Variants in ANKRD12 observed in about 807,000 individuals in gnomAD.
The protein encoded by ANKRD12 is ankyrin repeat domain 12, also known as ankyrin repeat domain-containing protein 12.
A neutral mutation model predicts 183.4 loss-of-function variants in ANKRD12; 85 were observed. The ratio of observed to expected loss-of-function variants is 0.46; its 90% confidence interval spans 0.39 to 0.56. The LOEUF (loss-of-function observed/expected upper bound fraction) is 0.56, where lower values mean the gene tolerates loss of function less well. Ranked by LOEUF, ANKRD12 falls within the 20% of genes least tolerant of loss-of-function variation. ANKRD12 has a pLI of 0.00. For synonymous variants in ANKRD12, 914 were observed against 800.2 expected, an observed-to-expected ratio of 1.14 and a Z score of -2.40; for missense variants, 2,405 against 2,357.1, an observed-to-expected ratio of 1.02 and a Z score of -0.42.
At chr18:9,270,004 A>G (rs1167777673) in intron 10 of ANKRD12, among the ~76,000 whole-genome samples, 2 of 152,258 alleles carry the variant, frequency 1.3e-5, no homozygotes, top group East Asian at 3.8e-4. Flanking sequence ...CAACAGACAC[A>G]TGAAAAAATG....
chr18:9,192,468 A>G (rs554880432), intron 2 of ANKRD12, among the ~76,000 whole-genome samples: 3 of 152,300 alleles, frequency 2.0e-5, no homozygotes, highest in Non-Finnish European at 2.9e-5. Context: ...ATTTAAGTTC[A>G]TAAGTGGATT....
At chr18:9,204,429 C>A (rs779819143) in intron 3 of ANKRD12, 47 bp from the exon 4 acceptor site, 33 of 1,345,312 alleles carry the variant, frequency 2.5e-5, no homozygotes, top group Non-Finnish European at 3.5e-5. Context: ...TTCTGCATTT[C>A]CCTCCGTGTG....
chr18:9,280,384 G>T (rs1452076515), intron 12 of ANKRD12, among the ~76,000 whole-genome samples: 1 of 152,190 alleles, frequency 6.6e-6, no homozygotes. Context: ...ACAGGCCATG[G>T]ATCGGTACCA....
At chr18:9,269,678 C>G (rs1045233683) in intron 10 of ANKRD12, among the ~76,000 whole-genome samples, 2 of 152,170 alleles carry the variant, frequency 1.3e-5, no homozygotes, top group African/African-American at 2.4e-5. Flanking sequence ...TAGAAGAAAA[C>G]CTAGGCAATA....
chr18:9,205,304 A>G (rs1036391909), intron 4 of ANKRD12, among the ~76,000 whole-genome samples: 1 of 132,854 alleles, frequency 7.5e-6, no homozygotes, highest in Non-Finnish European at 1.7e-5. Flanking sequence ...GTTATCTCTG[A>G]GCTTAAATAA....
At position 9,263,917 on chromosome 18, in the gene ANKRD12, C is replaced by A. The variant is rs780715392; in HGVS notation, c.5763+29C>A. On this transcript the variant is annotated intron_variant, in intron 10 of 12. Coordinates refer to ENST00000262126, the MANE Select transcript of ANKRD12 (RefSeq NM_015208.5). ...AGAAATGTTTAAATTTACACTTATG[C>A]TAAAAATAACTGGTTTCTAGCAATA... 1.1e-5 allele frequency: 14 copies of A among 1,326,390 alleles called. No homozygotes were observed. In the East Asian group the frequency reaches 2.5e-4, roughly 24 times the overall value. 82.2% of individuals were successfully genotyped at this position (1,326,390 alleles called of 1,614,324 possible).
intron 2 of ANKRD12, among the ~76,000 whole-genome samples, chr18:9,187,516 C>T (rs2034169018): frequency 6.6e-6 from 1 of 152,068 alleles, no homozygotes; most frequent in South Asian, 2.1e-4. Flanking sequence ...ATAAAATAAC[C>T]TAAACCAAAA....
chr18:9,211,021 T>C (rs929015555), intron 5 of ANKRD12, among the ~76,000 whole-genome samples: 5 of 151,964 alleles, frequency 3.3e-5, no homozygotes, highest in Non-Finnish European at 7.4e-5. Flanking sequence ...TTTTTAAATA[T>C]AGAAACTAGA....
At chr18:9,251,801 G>C (rs1244000858) in intron 8 of ANKRD12, among the ~76,000 whole-genome samples, 1 of 151,726 alleles carries the variant, frequency 6.6e-6, no homozygotes, top group African/African-American at 2.4e-5. Flanking sequence ...TCAAAAAAAA[G>C]AAAAAAGAAA....
rs138815385 is a variant in ANKRD12 at position 9,144,223 on chromosome 18, G to A, written c.-52+7258G>A. Among the ~76,000 whole-genome samples the A allele has an allele frequency of 1.9e-4, 29 of 152,082 alleles. No individual in the cohort carries two copies. The East Asian group carries it at 5.2e-3, about 27-fold the overall frequency. Reference sequence around the variant, plus strand: ...CATTTTTGTTAGGGTTTTACAGCATGCAATTATTGTATGCTATTGTTTAAA... The same window carrying A: ...CATTTTTGTTAGGGTTTTACAGCATACAATTATTGTATGCTATTGTTTAAA... On this transcript the variant is annotated intron_variant, in intron 1 of 12. Coordinates refer to ENST00000262126, the MANE Select transcript of ANKRD12 (RefSeq NM_015208.5).
chr18:9,277,820 G>T (rs1436173831), intron 11 of ANKRD12, among the ~76,000 whole-genome samples: 4 of 150,092 alleles, frequency 2.7e-5, no homozygotes, highest in African/African-American at 9.8e-5. Context: ...GTATCATACA[G>T]GTTAAAAAGA....
At chr18:9,200,211 G>A (rs1400074438) in intron 3 of ANKRD12, among the ~76,000 whole-genome samples, 19 of 152,176 alleles carry the variant, frequency 1.2e-4, no homozygotes, top group Admixed American at 1.2e-3. Flanking sequence ...TGGCTAGACA[G>A]GAGAAATTAG....
intron 4 of ANKRD12, among the ~76,000 whole-genome samples, chr18:9,206,808 C>A (rs2035514063): frequency 6.6e-6 from 1 of 151,942 alleles, no homozygotes; most frequent in African/African-American, 2.4e-5. Flanking sequence ...ATTACTTTAT[C>A]ATGTTAGACT....
chr18:9,274,730 A>G (rs1056430190), intron 10 of ANKRD12, among the ~76,000 whole-genome samples: 1 of 152,190 alleles, frequency 6.6e-6, no homozygotes, highest in Non-Finnish European at 1.5e-5. Flanking sequence ...GAGAAAATGT[A>G]TTTCTACTTT....
At chr18:9,185,804 T>A (rs2034009375) in intron 2 of ANKRD12, among the ~76,000 whole-genome samples, 1 of 149,968 alleles carries the variant, frequency 6.7e-6, no homozygotes, top group Non-Finnish European at 1.5e-5. Flanking sequence ...GAAGAGAGAG[T>A]CTGCACTGCC....
rs1336064819 is a variant in ANKRD12 at position 9,285,144 on chromosome 18, G to A, written c.*4018G>A. ...GAATGGCGTGAGCCTGGGAGGCGGA[G>A]CTTGCAGTGAGCCGAGATCGTGCCA... On this transcript the variant is annotated 3_prime_UTR_variant, in exon 13 of 13. Coordinates refer to ENST00000262126, the MANE Select transcript of ANKRD12 (RefSeq NM_015208.5). 1 of 151,638 alleles carries A rather than the reference G, an allele frequency of 6.6e-6. No individual in the cohort carries two copies. Among genetic ancestry groups the A allele is most frequent in the Non-Finnish European group, 1.5e-5 (1 of 67,964 alleles). The allele number at this position is 151,638 out of a possible 1,614,324, so 9.4% of individuals were successfully genotyped here. A position where few individuals can be genotyped will look rare whatever the true frequency, so the allele number is the denominator to read the frequency against.
intron 1 of ANKRD12, among the ~76,000 whole-genome samples, chr18:9,138,073 A>G (rs183652386): frequency 9.8e-4 from 149 of 152,334 alleles, no homozygotes; most frequent in Non-Finnish European, 1.8e-3. Flanking sequence ...TGTGTATGTA[A>G]TGGTTCGGAA....
intron 8 of ANKRD12, among the ~76,000 whole-genome samples, chr18:9,244,385 A>C (rs1448163834): frequency 6.6e-6 from 1 of 152,110 alleles, no homozygotes; most frequent in Admixed American, 6.5e-5. Flanking sequence ...AGGTCTTGCT[A>C]TATTGCCCAG....
intron 1 of ANKRD12, among the ~76,000 whole-genome samples, chr18:9,151,533 T>G (rs2143580398): frequency 6.6e-6 from 1 of 152,296 alleles, no homozygotes; most frequent in Non-Finnish European, 1.5e-5. Context: ...TTGGTAGATC[T>G]CAGAATAGAA....
Sources: allele counts gnomAD v4.1 joint callset (sites outside exome capture counted in the v4.1 genomes callset), GRCh38; gene constraint gnomAD v4.1.1; transcripts MANE v1.5; gene names NCBI Gene and HGNC (gene_info 2026-07-23, HGNC 2026-07-21).